GDPD5: variants seen among roughly 807,000 people sequenced by gnomAD.
GDPD5 encodes glycerophosphodiester phosphodiesterase domain containing 5.
A neutral mutation model predicts 75.1 loss-of-function variants in GDPD5; 48 were observed. That is an observed-to-expected ratio of 0.64 (90% CI 0.51 to 0.81). GDPD5 has a LOEUF of 0.81. Ranked by LOEUF, GDPD5 falls within the 40% of genes least tolerant of loss-of-function variation. GDPD5 has a pLI of 0.00. For missense variants in GDPD5, 706 were observed against 822.6 expected, an observed-to-expected ratio of 0.86 and a Z score of 1.73; for synonymous variants, 336 against 339.0, an observed-to-expected ratio of 0.99 and a Z score of 0.10.
chr11:75,518,330 T>TG (rs545959236), intron 1 of GDPD5, among the ~76,000 whole-genome samples: 2 of 152,266 alleles, frequency 1.3e-5, no homozygotes, highest in East Asian at 1.9e-4. Context: ...AGGAAGGTCC[T>TG]GGGGGGAGGA....
chr11:75,464,259 C>T (rs1040207895), intron 3 of GDPD5, among the ~76,000 whole-genome samples: 3 of 152,234 alleles, frequency 2.0e-5, no homozygotes, highest in Non-Finnish European at 4.4e-5. Flanking sequence ...AGTACTCATT[C>T]TTTCTGTGAC....
intron 1 of GDPD5, among the ~76,000 whole-genome samples, chr11:75,501,230 C>G (rs1950299055): frequency 1.3e-5 from 2 of 152,254 alleles, no homozygotes; most frequent in Middle Eastern, 3.4e-3. Context: ...CCTGGCTCGG[C>G]CCCTCCTCGC....
chr11:75,483,014 G>A (rs1949950034), intron 2 of GDPD5, among the ~76,000 whole-genome samples: 2 of 152,150 alleles, frequency 1.3e-5, no homozygotes, highest in African/African-American at 4.8e-5. Flanking sequence ...ACACTCGGCC[G>A]CCGGGACGAT....
At chr11:75,462,164 A>G (rs1949427756) in intron 4 of GDPD5, among the ~76,000 whole-genome samples, 1 of 152,162 alleles carries the variant, frequency 6.6e-6, no homozygotes, top group East Asian at 1.9e-4. Flanking sequence ...GATTTCTTGT[A>G]TACAAAGGGG....
intron 9 of GDPD5, 106 bp from the exon 10 acceptor site, chr11:75,444,601 A>G: frequency 1.2e-6 from 1 of 824,468 alleles, no homozygotes; most frequent in African/African-American, 1.7e-5. Context: ...GCCTGGTTCT[A>G]ATTCTGGCCC....
At chr11:75,452,512 A>G (rs1250620760) in intron 6 of GDPD5, among the ~76,000 whole-genome samples, 1 of 152,208 alleles carries the variant, frequency 6.6e-6, no homozygotes, top group East Asian at 1.9e-4. Context: ...ATGACTGTGA[A>G]ATTCTGAGTG....
intron 3 of GDPD5, among the ~76,000 whole-genome samples, chr11:75,472,509 G>A (rs1335919625): frequency 1.3e-5 from 2 of 152,072 alleles, no homozygotes; most frequent in Non-Finnish European, 1.5e-5. Flanking sequence ...GGTGATCTGG[G>A]AGGTCCCTCT....
At chr11:75,446,143 T>C (rs1948981622) in intron 9 of GDPD5, among the ~76,000 whole-genome samples, 1 of 152,184 alleles carries the variant, frequency 6.6e-6, no homozygotes, top group Non-Finnish European at 1.5e-5. Flanking sequence ...GGGTCCACGC[T>C]CCCTGCTGCA....
chr11:75,445,585 C>A (rs1432902344), intron 9 of GDPD5, among the ~76,000 whole-genome samples: 1 of 152,194 alleles, frequency 6.6e-6, no homozygotes, highest in Non-Finnish European at 1.5e-5. Flanking sequence ...GAGGACACCC[C>A]CGATCCCCCT....
chr11:75,450,149 G>A (rs1949100822), intron 6 of GDPD5, among the ~76,000 whole-genome samples, 166 bp from the exon 7 acceptor site: 1 of 152,192 alleles, frequency 6.6e-6, no homozygotes, highest in Non-Finnish European at 1.5e-5. Context: ...GGAAACTAGA[G>A]GCCGGCAGAT....
At chr11:75,472,766 T>C (rs1949697705) in intron 3 of GDPD5, among the ~76,000 whole-genome samples, 1 of 152,108 alleles carries the variant, frequency 6.6e-6, no homozygotes, top group South Asian at 2.1e-4. Flanking sequence ...GAGGACCTCC[T>C]CTGAGTCAGG....
chr11:75,436,898 C>A, intron 16 of GDPD5, 38 bp downstream of exon 16: 1 of 1,516,132 alleles, frequency 6.6e-7, no homozygotes, highest in Non-Finnish European at 9.2e-7. Flanking sequence ...GAAAGCTGGG[C>A]CCAGGGCCTG....
intron 2 of GDPD5, among the ~76,000 whole-genome samples, chr11:75,479,822 TCTTG>T (rs1176295879): frequency 3.9e-5 from 6 of 152,178 alleles, no homozygotes; most frequent in African/African-American, 1.4e-4. Flanking sequence ...ACCTTTTGTG[TCTTG>T]CTTCTTTCAC....
At chr11:75,524,021 A>G (rs949623728) in intron 1 of GDPD5, among the ~76,000 whole-genome samples, 2 of 152,236 alleles carry the variant, frequency 1.3e-5, no homozygotes, top group Admixed American at 6.5e-5. Flanking sequence ...GAGCCCACAG[A>G]GTCCATGCCA....
Position 75,455,061 on chromosome 11 carries a change from G to C in GDPD5, c.375+1696C>G, listed in dbSNP as rs187670780. 2,138 of 271,204 alleles carry C rather than the reference G, an allele frequency of 7.9e-3. 14 individuals carry two copies. The highest frequency in any genetic ancestry group is 0.018 in the Middle Eastern group (13 of 716). 16.8% of individuals were successfully genotyped at this position (271,204 alleles called of 1,614,324 possible). A position where few individuals can be genotyped will look rare whatever the true frequency, so the allele number is the denominator to read the frequency against. On this transcript the variant is annotated intron_variant, in intron 6 of 16. Coordinates refer to ENST00000336898, the MANE Select transcript of GDPD5 (RefSeq NM_030792.8). ...CTGCTCATGCTGCGATCTCACATAG[G>C]GGGCAGAGGGCAGAGGAAGGCACCC...
At chr11:75,437,166 C>T in intron 15 of GDPD5, 118 bp from the exon 16 acceptor site, 1 of 707,292 alleles carries the variant, frequency 1.4e-6, no homozygotes. Context: ...GACTCTTGTC[C>T]CACTGTACAA....
chr11:75,496,930 G>A (rs1487122335), intron 1 of GDPD5, among the ~76,000 whole-genome samples: 1 of 151,754 alleles, frequency 6.6e-6, no homozygotes, highest in East Asian at 1.9e-4. Context: ...ATAGGTATGT[G>A]CTACCATACC....
At chr11:75,481,428 G>C (rs1435629705) in intron 2 of GDPD5, among the ~76,000 whole-genome samples, 1 of 152,204 alleles carries the variant, frequency 6.6e-6, no homozygotes, top group Non-Finnish European at 1.5e-5. Context: ...TGAGTGCTGG[G>C]AATTGACTGC....
intron 6 of GDPD5, chr11:75,452,325 G>C (rs1949181765): frequency 6.6e-6 from 1 of 152,238 alleles, no homozygotes. Flanking sequence ...CCTTTCCAGA[G>C]CTGTGAAATA....
Sources: gnomAD v4.1 joint callset for allele counts (sites outside exome capture counted in the v4.1 genomes callset) on GRCh38, gnomAD v4.1.1 for gene constraint, MANE v1.5 for transcripts, NCBI Gene and HGNC (gene_info 2026-07-23, HGNC 2026-07-21) for gene names.